Variants in LRBA observed in about 807,000 individuals in gnomAD.
The protein encoded by LRBA is lipopolysaccharide-responsive and beige-like anchor protein.
LRBA carries 176 observed loss-of-function variants against 330.0 expected under a neutral mutation model. That is an observed-to-expected ratio of 0.53 (90% CI 0.47 to 0.60). LRBA has a LOEUF of 0.60. Among genes scored for constraint, LRBA ranks in the 20% least tolerant of loss-of-function variants. The pLI is 0.00. For synonymous variants in LRBA, 1,230 were observed against 1,193.0 expected, an observed-to-expected ratio of 1.03 and a Z score of -0.64; for missense variants, 3,259 against 3,444.8, an observed-to-expected ratio of 0.95 and a Z score of 1.35.
At chr4:150,319,259 A>G (rs1732152093) in intron 50 of LRBA, among the ~76,000 whole-genome samples, 1 of 152,084 alleles carries the variant, frequency 6.6e-6, no homozygotes, top group Non-Finnish European at 1.5e-5. Flanking sequence ...CAGCAGTTGC[A>G]AGGTTTGCCC....
At chr4:150,833,107 T>C (rs191268871) in intron 28 of LRBA, among the ~76,000 whole-genome samples, 140 of 151,832 alleles carry the variant, frequency 9.2e-4, no homozygotes, top group African/African-American at 3.3e-3. Context: ...TTTAAAATAG[T>C]ACAAACAATT....
chr4:150,557,849 T>C (rs1767530592), intron 40 of LRBA, among the ~76,000 whole-genome samples: 2 of 152,164 alleles, frequency 1.3e-5, no homozygotes, highest in African/African-American at 4.8e-5. Flanking sequence ...GGGTTTCCAC[T>C]GTATAGTTAT....
intron 47 of LRBA, among the ~76,000 whole-genome samples, chr4:150,371,182 A>ATTTTTTTTTTTTTTTTT (rs70937395): frequency 1.3e-4 from 12 of 91,926 alleles, no homozygotes; most frequent in African/African-American, 5.3e-4. Flanking sequence ...AAGCTACTAA[A>ATTTTTTTTTTTTTTTTT]TTTTTTTTTT....
chr4:150,300,944 C>A (rs768100160), intron 53 of LRBA, among the ~76,000 whole-genome samples: 3 of 151,876 alleles, frequency 2.0e-5, no homozygotes, highest in Non-Finnish European at 2.9e-5. Flanking sequence ...AACAAGAAAC[C>A]AAGAACCCAA....
At chr4:150,699,235 G>C (rs927972394) in intron 36 of LRBA, among the ~76,000 whole-genome samples, 3 of 152,132 alleles carry the variant, frequency 2.0e-5, no homozygotes, top group African/African-American at 7.2e-5. Flanking sequence ...AGACGACCTG[G>C]GGAAAGAGGG....
intron 22 of LRBA, among the ~76,000 whole-genome samples, chr4:150,864,514 G>T (rs1413776689): frequency 6.6e-6 from 1 of 151,750 alleles, no homozygotes; most frequent in Non-Finnish European, 1.5e-5. Context: ...TCTCATATTT[G>T]CTTTTGCATT....
chr4:150,890,150 T>C (rs975281792), intron 17 of LRBA, among the ~76,000 whole-genome samples: 2 of 152,178 alleles, frequency 1.3e-5, no homozygotes, highest in African/African-American at 4.8e-5. Context: ...CTAATAGGTC[T>C]AATGAAGTAG....
intron 40 of LRBA, among the ~76,000 whole-genome samples, chr4:150,502,062 CAG>C (rs1760354017): frequency 6.6e-6 from 1 of 152,182 alleles, no homozygotes; most frequent in Admixed American, 6.5e-5. Flanking sequence ...AGTAGCAGAT[CAG>C]AGAGAGCTGC....
At chr4:150,741,211 T>C (rs1004025110) in intron 35 of LRBA, among the ~76,000 whole-genome samples, 4 of 152,052 alleles carry the variant, frequency 2.6e-5, no homozygotes, top group African/African-American at 7.2e-5. Context: ...AAGCCACCAC[T>C]AAGAGAATTA....
intron 47 of LRBA, among the ~76,000 whole-genome samples, chr4:150,390,808 G>A (rs1219815078): frequency 6.6e-6 from 1 of 152,134 alleles, no homozygotes; most frequent in Non-Finnish European, 1.5e-5. Flanking sequence ...ATAAAAGAAG[G>A]TGACAGCAAT....
intron 35 of LRBA, among the ~76,000 whole-genome samples, chr4:150,758,156 CAA>C (rs1721988682): frequency 6.6e-6 from 1 of 152,188 alleles, no homozygotes; most frequent in African/African-American, 2.4e-5. Flanking sequence ...AAGTGTGTTA[CAA>C]GAGAGGAACT....
chr4:150,883,314 G>C (rs1394301726), intron 17 of LRBA, among the ~76,000 whole-genome samples: 1 of 152,034 alleles, frequency 6.6e-6, no homozygotes, highest in Admixed American at 6.5e-5. Flanking sequence ...ACAAAAATTA[G>C]CCAGGCATGG....
intron 4 of LRBA, among the ~76,000 whole-genome samples, chr4:150,926,530 T>A (rs967411161): frequency 4.6e-5 from 7 of 152,086 alleles, no homozygotes; most frequent in Non-Finnish European, 8.8e-5. Flanking sequence ...TATGACAAAA[T>A]CCAACACTCA....
chr4:150,358,542 T>A (rs1738206315), intron 47 of LRBA, among the ~76,000 whole-genome samples: 1 of 152,152 alleles, frequency 6.6e-6, no homozygotes, highest in South Asian at 2.1e-4. Context: ...CTTTAAAAAA[T>A]TAGTAAAGTA....
At chr4:150,747,423 A>G (rs1372732489) in intron 35 of LRBA, among the ~76,000 whole-genome samples, 1 of 152,204 alleles carries the variant, frequency 6.6e-6, no homozygotes, top group Non-Finnish European at 1.5e-5. Flanking sequence ...TTTATAATTT[A>G]TCTTTACACA....
At chr4:150,697,703 T>C (rs537859118) in intron 36 of LRBA, among the ~76,000 whole-genome samples, 1 of 152,306 alleles carries the variant, frequency 6.6e-6, no homozygotes, top group Admixed American at 6.5e-5. Context: ...AATGTTATAA[T>C]TTCTTTAATT....
chr4:150,616,529 G>A (rs1026254630), intron 37 of LRBA, among the ~76,000 whole-genome samples: 2 of 152,178 alleles, frequency 1.3e-5, no homozygotes, highest in African/African-American at 4.8e-5. Flanking sequence ...AGTCAAGTAA[G>A]AAGAAAACTG....
intron 21 of LRBA, 121 bp downstream of exon 21, chr4:150,868,061 T>G (rs1752955240): frequency 9.0e-7 from 1 of 1,105,756 alleles, no homozygotes; most frequent in Non-Finnish European, 1.3e-6. Flanking sequence ...TTACATACTC[T>G]TAATAAAAAA....
At chr4:150,527,662 A>T (rs1218326949) in intron 40 of LRBA, among the ~76,000 whole-genome samples, 1 of 152,146 alleles carries the variant, frequency 6.6e-6, no homozygotes, top group African/African-American at 2.4e-5. Context: ...GAAACTGCTT[A>T]TTTTTTTCTC....
Sources: allele counts gnomAD v4.1 joint callset (sites outside exome capture counted in the v4.1 genomes callset), GRCh38; gene constraint gnomAD v4.1.1; transcripts MANE v1.5; gene names NCBI Gene and HGNC (gene_info 2026-07-23, HGNC 2026-07-21).